The following GALNT14 variants were observed in gnomAD, a reference collection of about 807,000 sequenced individuals.
GALNT14 encodes the protein UDP-GalNAc:polypeptide N-acetylgalactosaminyltransferase 14.
A neutral mutation model predicts 77.5 loss-of-function variants in GALNT14; 60 were observed. That is an observed-to-expected ratio of 0.77 (90% confidence interval 0.63 to 0.96). The LOEUF (loss-of-function observed/expected upper bound fraction) is 0.96. GALNT14 is among the 40% of genes least tolerant of loss of function. The pLI is 0.00. For missense variants in GALNT14, 710 were observed against 731.0 expected, an observed-to-expected ratio of 0.97 and a Z score of 0.33; for synonymous variants, 280 against 281.7, an observed-to-expected ratio of 0.99 and a Z score of 0.06.
chr2:31,103,822 G>A (rs1677413399), intron 1 of GALNT14, among the ~76,000 whole-genome samples: 1 of 151,972 alleles, frequency 6.6e-6, no homozygotes. Context: ...CTTACTTTTA[G>A]TTTTAGTTTA....
At chr2:31,035,782 C>T (rs1453181770) in intron 1 of GALNT14, among the ~76,000 whole-genome samples, 1 of 152,010 alleles carries the variant, frequency 6.6e-6, no homozygotes, top group Non-Finnish European at 1.5e-5. Flanking sequence ...ACTTTATGTT[C>T]TCTCTTATAA....
Position 30,919,445 on chromosome 2 carries a change from G to A in GALNT14, c.1380+4674C>T, listed in dbSNP as rs147591520. On this transcript the variant is annotated intron_variant, in intron 13 of 14. Coordinates refer to ENST00000349752, the MANE Select transcript of GALNT14 (RefSeq NM_024572.4). ...ACAGTCTCCTTTCAACAACGAGGACGCCCCAGAGCCTGGGGCTCACCTGCC... is the reference window on the plus strand; with the variant it reads ...ACAGTCTCCTTTCAACAACGAGGACACCCCAGAGCCTGGGGCTCACCTGCC... 4.6e-3 allele frequency among the ~76,000 whole-genome samples: 708 copies of A among 152,278 alleles called. 7 individuals are homozygous for A. Among genetic ancestry groups the A allele is most frequent in the African/African-American group, 0.016 (673 of 41,558 alleles).
intron 1 of GALNT14, among the ~76,000 whole-genome samples, chr2:31,110,631 A>G (rs1314913334): frequency 6.6e-6 from 1 of 152,198 alleles, no homozygotes; most frequent in East Asian, 1.9e-4. Context: ...CACAGGAAAG[A>G]AGAACCAAGG....
intron 1 of GALNT14, among the ~76,000 whole-genome samples, chr2:31,081,184 T>C (rs1676137414): frequency 6.6e-6 from 1 of 152,158 alleles, no homozygotes; most frequent in Non-Finnish European, 1.5e-5. Context: ...GTTTCAGAAA[T>C]GGTAAAGCTC....
chr2:30,950,013 G>A (rs1375539402), intron 6 of GALNT14, among the ~76,000 whole-genome samples: 1 of 152,148 alleles, frequency 6.6e-6, no homozygotes, highest in Non-Finnish European at 1.5e-5. Context: ...TGTGTGACCT[G>A]AACTAAATCA....
chr2:31,004,268 T>A (rs1384086952), intron 1 of GALNT14, among the ~76,000 whole-genome samples: 1 of 151,944 alleles, frequency 6.6e-6, no homozygotes, highest in African/African-American at 2.4e-5. Context: ...CACAGGGGAC[T>A]CAGGAAAAAA....
intron 1 of GALNT14, among the ~76,000 whole-genome samples, chr2:31,130,779 T>TGCGCGC (rs1201704713): frequency 1.1e-4 from 14 of 130,040 alleles, no homozygotes; most frequent in African/African-American, 2.8e-4. Flanking sequence ...TGTGTGTGTG[T>TGCGCGC]GTGTGCGCGC....
chr2:30,911,475 CACG>C (rs950692391), intron 14 of GALNT14, among the ~76,000 whole-genome samples: 5 of 152,128 alleles, frequency 3.3e-5, no homozygotes, highest in African/African-American at 1.2e-4. Flanking sequence ...TGTGTCAGCA[CACG>C]ACGGGCCAGA....
At chr2:30,947,604 G>A (rs937955460) in intron 6 of GALNT14, among the ~76,000 whole-genome samples, 1 of 152,156 alleles carries the variant, frequency 6.6e-6, no homozygotes, top group African/African-American at 2.4e-5. Context: ...ATGGGAATCA[G>A]GCAGCCCATC....
chr2:30,905,087 TA>T, the GALNT14 span, among the ~76,000 whole-genome samples: 1 of 151,884 alleles, frequency 6.6e-6, no homozygotes. Flanking sequence ...AGACCAAAAG[TA>T]AATAAAACCA....
At chr2:30,892,028 C>T in the GALNT14 span, among the ~76,000 whole-genome samples, 110 of 152,236 alleles carry the variant, frequency 7.2e-4, no homozygotes, top group African/African-American at 2.0e-3. Flanking sequence ...TTGACTATTG[C>T]GATCCCACCA....
At chr2:30,999,035 A>G (rs1670202741) in intron 1 of GALNT14, among the ~76,000 whole-genome samples, 2 of 152,218 alleles carry the variant, frequency 1.3e-5, no homozygotes. Context: ...AGCCAGGGCC[A>G]AAAAAGGAGG....
intron 6 of GALNT14, among the ~76,000 whole-genome samples, chr2:30,955,346 A>G (rs144396714): frequency 2.8e-4 from 42 of 152,302 alleles, no homozygotes; most frequent in Non-Finnish European, 4.3e-4. Context: ...AGGAAACTGC[A>G]TATGTTATAT....
intron 2 of GALNT14, among the ~76,000 whole-genome samples, chr2:30,974,525 A>G (rs1668529962): frequency 6.6e-6 from 1 of 152,232 alleles, no homozygotes; most frequent in Admixed American, 6.5e-5. Context: ...TTCTAGCCAC[A>G]TTCTGCTTCA....
intron 3 of GALNT14, among the ~76,000 whole-genome samples, chr2:30,961,981 C>A (rs1667719936): frequency 6.6e-6 from 1 of 152,164 alleles, no homozygotes; most frequent in Admixed American, 6.5e-5. Context: ...ACATGAGCCC[C>A]TGTGCCCAGC....
In GALNT14 at chr2:30,953,305, C is replaced by CTT. The variant is rs34668885; in HGVS notation, c.654+2311_654+2312dup. Among the ~76,000 whole-genome samples the CTT allele has an allele frequency of 2.9e-3, 338 of 116,996 alleles. 1 individual carries two copies. Among genetic ancestry groups the CTT allele is most frequent in the Non-Finnish European group, 3.5e-3 (208 of 58,676 alleles). The allele number at this position is 116,996 out of a possible 152,430, so 76.8% of individuals were successfully genotyped here. A position where few individuals can be genotyped will look rare whatever the true frequency, so the allele number is the denominator to read the frequency against. ...TTCTTCCTCACAAATAATTTCCTTC[C>CTT]TTTTTTTTTTTTTTTTTTTTTGAGA... On this transcript the variant is annotated intron_variant, in intron 6 of 14. Transcript: ENST00000349752.
At chr2:31,079,324 G>C (rs1315950972) in intron 1 of GALNT14, among the ~76,000 whole-genome samples, 1 of 152,180 alleles carries the variant, frequency 6.6e-6, no homozygotes, top group Non-Finnish European at 1.5e-5. Context: ...GAATGACCCT[G>C]TTTGGAAGAT....
intron 1 of GALNT14, among the ~76,000 whole-genome samples, chr2:31,086,597 C>T (rs2148591611): frequency 6.6e-6 from 1 of 151,942 alleles, no homozygotes; most frequent in East Asian, 1.9e-4. Context: ...CTTTTACATA[C>T]ATTAACTAAG....
chr2:31,032,898 T>C (rs555089984), intron 1 of GALNT14, among the ~76,000 whole-genome samples: 2 of 152,152 alleles, frequency 1.3e-5, no homozygotes, highest in South Asian at 4.2e-4. Context: ...GCTGGGAAGG[T>C]TGCATGCCAT....
Sources: gnomAD v4.1 joint callset for allele counts (sites outside exome capture counted in the v4.1 genomes callset) on GRCh38, gnomAD v4.1.1 for gene constraint, MANE v1.5 for transcripts, NCBI Gene and HGNC (gene_info 2026-07-23, HGNC 2026-07-21) for gene names.